MYO5B: variants seen among roughly 807,000 people sequenced by gnomAD.
MYO5B encodes myosin VB.
Under a neutral mutation model 229.3 loss-of-function variants are expected in MYO5B, and 143 were observed. The ratio of observed to expected loss-of-function variants is 0.62; its 90% confidence interval spans 0.54 to 0.72. MYO5B has a LOEUF of 0.72. MYO5B is among the 30% of genes least tolerant of loss of function. The probability of loss-of-function intolerance (pLI) is 0.00; values close to 1 mark genes in which losing one functional copy is unlikely to be tolerated. For missense variants in MYO5B, 2,321 were observed against 2,331.0 expected (o/e 1.00, Z 0.09); for synonymous variants, 918 against 885.2 (o/e 1.04, Z -0.66).
chr18:50,069,896 C>G (rs764363806), intron 1 of MYO5B, among the ~76,000 whole-genome samples: 6 of 152,118 alleles, frequency 3.9e-5, no homozygotes, highest in African/African-American at 1.4e-4. Flanking sequence ...CCTATTTATT[C>G]AGGCACCTAG....
intron 1 of MYO5B, among the ~76,000 whole-genome samples, chr18:50,103,874 G>C (rs914822436): frequency 2.6e-5 from 4 of 152,102 alleles, no homozygotes; most frequent in Middle Eastern, 6.8e-3. Flanking sequence ...GTTCCAAATG[G>C]GTAGGGCAAG....
rs540336174 is a variant in MYO5B, at chr18:49,962,965, T to C, written c.1388A>G (p.Gln463Arg). The C allele has an allele frequency of 6.2e-7, 1 of 1,614,116 alleles. No individual in the cohort carries two copies. Among genetic ancestry groups the C allele is most frequent in the South Asian group, 1.1e-5 (1 of 91,088 alleles). ...FCINYANEKL[Q>R]QQFNSHVFKL... ...CAAGCCTACCGAGTTGAACTGCTGCTGGAGCTTTTCATTTGCATAGTTGAT... is the reference window on the plus strand; with the variant it reads ...CAAGCCTACCGAGTTGAACTGCTGCCGGAGCTTTTCATTTGCATAGTTGAT... The change falls in exon 11 of 40, where the codon CAG becomes CGG. Residue 463 changes from glutamine to arginine, a missense_variant. By Grantham distance (43) the Gln-to-Arg change is conservative. Coordinates refer to ENST00000285039, the MANE Select transcript of MYO5B (RefSeq NM_001080467.3).
At chr18:49,899,857 G>A (rs999968377) in intron 21 of MYO5B, among the ~76,000 whole-genome samples, 1 of 152,212 alleles carries the variant, frequency 6.6e-6, no homozygotes, top group African/African-American at 2.4e-5. Context: ...ATCCTGCCCA[G>A]GGTAGCTAAC....
intron 1 of MYO5B, among the ~76,000 whole-genome samples, chr18:50,187,060 C>T (rs2033159234): frequency 6.6e-6 from 1 of 152,208 alleles, no homozygotes; most frequent in Non-Finnish European, 1.5e-5. Context: ...AATGCTTTCA[C>T]TTAGACAAAC....
intron 4 of MYO5B, among the ~76,000 whole-genome samples, chr18:50,035,491 G>A (rs776880769): frequency 5.3e-5 from 8 of 152,268 alleles, no homozygotes; most frequent in South Asian, 4.1e-4. Context: ...CACAGAATCC[G>A]TTCAGTCCCA....
chr18:49,944,554 A>G (rs998157393), intron 14 of MYO5B, among the ~76,000 whole-genome samples: 2 of 152,098 alleles, frequency 1.3e-5, no homozygotes, highest in Admixed American at 6.5e-5. Context: ...AACTTTAGAT[A>G]TGACCCTGCA....
intron 1 of MYO5B, among the ~76,000 whole-genome samples, chr18:50,083,924 A>C (rs16951484): frequency 6.6e-6 from 1 of 152,132 alleles, no homozygotes; most frequent in African/African-American, 2.4e-5. Context: ...TCATTCACCC[A>C]AACTGCCACA....
At chr18:49,890,001 G>A (rs2024690481) in intron 22 of MYO5B, among the ~76,000 whole-genome samples, 1 of 152,144 alleles carries the variant, frequency 6.6e-6, no homozygotes, top group Non-Finnish European at 1.5e-5. Flanking sequence ...TGGCCTCAGG[G>A]GGATTTACTT....
At chr18:50,017,650 G>C (rs984018475) in intron 4 of MYO5B, among the ~76,000 whole-genome samples, 1 of 152,050 alleles carries the variant, frequency 6.6e-6, no homozygotes, top group Non-Finnish European at 1.5e-5. Flanking sequence ...CTTTTTCTTG[G>C]GTTAAATGTT....
chr18:49,997,934 A>G (rs987803570), intron 5 of MYO5B, among the ~76,000 whole-genome samples: 13 of 152,164 alleles, frequency 8.5e-5, no homozygotes, highest in Admixed American at 8.5e-4. Context: ...ATCAATCAGT[A>G]ATCAGCTGTC....
chr18:49,831,371 A>G (rs2023919244), intron 39 of MYO5B, among the ~76,000 whole-genome samples: 1 of 152,216 alleles, frequency 6.6e-6, no homozygotes, highest in Non-Finnish European at 1.5e-5. Flanking sequence ...ATCATATCTG[A>G]TAAGGATTTA....
At position 49,863,249 on chromosome 18, in the gene MYO5B, G is replaced by A; in HGVS notation, c.3922C>T (p.His1308Tyr). 1 of 1,613,278 alleles carries A rather than the reference G, an allele frequency of 6.2e-7. No homozygotes were observed. The change falls in exon 29 of 40, where the codon CAC becomes TAC. Residue 1308 changes from histidine to tyrosine, a missense_variant. Coordinates refer to ENST00000285039, the MANE Select transcript of MYO5B (RefSeq NM_001080467.3). ...TACCTGTTTGTCTGGCAGACCCCGTGATAGGCCTCAATGGCATCCTCCTGG... is the reference window on the plus strand; with the variant it reads ...TACCTGTTTGTCTGGCAGACCCCGTAATAGGCCTCAATGGCATCCTCCTGG... ...VDQEDAIEAYHGVCQTNSKTE... is the reference protein window; with the variant it reads ...VDQEDAIEAYYGVCQTNSKTE...
intron 18 of MYO5B, among the ~76,000 whole-genome samples, chr18:49,908,020 G>T (rs528936697): frequency 6.6e-6 from 1 of 152,336 alleles, no homozygotes; most frequent in African/African-American, 2.4e-5. Context: ...GGGTTAGGAA[G>T]CCAAAGCACG....
chr18:50,038,219 C>G (rs1024558569), intron 3 of MYO5B, among the ~76,000 whole-genome samples: 6 of 152,148 alleles, frequency 3.9e-5, no homozygotes, highest in African/African-American at 1.4e-4. Context: ...GACCCACTGA[C>G]TGAGGTACAA....
In MYO5B at chr18:50,165,889, G is replaced by C. The variant is rs77372033; in HGVS notation, c.27+28878C>G. On this transcript the variant is annotated intron_variant, in intron 1 of 39. Transcript: ENST00000285039. ...ACCAGGGCTAGATTTTCCTTCCCCA[G>C]GATCACATTCACTCAGTATCAAGAT... 3.2e-3 allele frequency among the ~76,000 whole-genome samples: 491 copies of C among 152,290 alleles called. 3 individuals carry two copies. Among genetic ancestry groups the C allele is most frequent in the African/African-American group, 0.011 (467 of 41,564 alleles).
rs1180091583 is a variant in MYO5B, at chr18:50,171,285, G to T, written c.27+23482C>A. ...CTGCAGGCCAACGACAGCAGCAGAG[G>T]CATGAGAGGAGATGCCAAGACCATG... is the stretch of plus-strand genomic sequence containing the variant. On this transcript the variant is annotated intron_variant, in intron 1 of 39. Transcript: ENST00000285039. Among the ~76,000 whole-genome samples the T allele has an allele frequency of 1.6e-5, 2 of 127,976 alleles. 1 individual carries two copies. The highest frequency in any genetic ancestry group is 3.3e-5 in the Non-Finnish European group (2 of 59,978). The allele number at this position is 127,976 out of a possible 152,430, so 84.0% of individuals were successfully genotyped here. A position where few individuals can be genotyped will look rare whatever the true frequency, so the allele number is the denominator to read the frequency against.
intron 16 of MYO5B, among the ~76,000 whole-genome samples, chr18:49,933,237 C>G (rs2025213781): frequency 6.6e-6 from 1 of 152,196 alleles, no homozygotes; most frequent in African/African-American, 2.4e-5. Flanking sequence ...GTGACCAGGT[C>G]CTCCACAAAG....
chr18:49,952,140 G>C (rs904506790), intron 14 of MYO5B, among the ~76,000 whole-genome samples: 12 of 152,340 alleles, frequency 7.9e-5, no homozygotes, highest in African/African-American at 2.9e-4. Context: ...CCACGTGATA[G>C]AACAGGGTTT....
At chr18:50,148,317 C>T (rs540315262) in intron 1 of MYO5B, among the ~76,000 whole-genome samples, 1 of 150,800 alleles carries the variant, frequency 6.6e-6, no homozygotes, top group East Asian at 2.0e-4. Flanking sequence ...AGAGGGAATC[C>T]TCCCTAACTC....
Sources: allele counts gnomAD v4.1 joint callset (sites outside exome capture counted in the v4.1 genomes callset), GRCh38; gene constraint gnomAD v4.1.1; transcripts MANE v1.5; gene names NCBI Gene and HGNC (gene_info 2026-07-23, HGNC 2026-07-21).